CLVS1: variants seen among roughly 807,000 people sequenced by gnomAD.
CLVS1 encodes the protein clavesin-1.
Under a neutral mutation model 33.1 loss-of-function variants are expected in CLVS1, and 10 were observed. That is an observed-to-expected ratio of 0.30 (90% CI 0.19 to 0.51). The LOEUF is 0.51. Ranked by LOEUF, CLVS1 falls within the 20% of genes least tolerant of loss-of-function variation. The pLI is 0.97. For missense variants in CLVS1, 343 were observed against 433.4 expected, an observed-to-expected ratio of 0.79 and a Z score of 1.85; for synonymous variants, 163 against 166.1, an observed-to-expected ratio of 0.98 and a Z score of 0.14.
intron 3 of CLVS1, among the ~76,000 whole-genome samples, chr8:61,411,157 G>A (rs930271715): frequency 1.3e-5 from 2 of 152,112 alleles, no homozygotes; most frequent in Non-Finnish European, 2.9e-5. Flanking sequence ...ATTCACTATA[G>A]AAATATATGC....
rs1230004095 is a variant in CLVS1 at position 61,314,717 on chromosome 8, A to G, written c.455+14435A>G. Among the ~76,000 whole-genome samples the G allele has an allele frequency of 2.6e-5, 4 of 152,202 alleles. No individual in the cohort carries two copies. The South Asian group carries it at 6.2e-4, about 24-fold the overall frequency. On this transcript the variant is annotated intron_variant, in intron 2 of 5. Coordinates refer to ENST00000325897, the MANE Select transcript of CLVS1 (RefSeq NM_173519.3). ...ATTATGAAGAGCTCTGTTCCCAGCT[A>G]CATGACCCATACTGCCATGTTTTAT...
chr8:61,479,800 C>T (rs549776640), intron 5 of CLVS1, among the ~76,000 whole-genome samples: 3 of 152,288 alleles, frequency 2.0e-5, no homozygotes, highest in East Asian at 1.9e-4. Context: ...TTCCTTCTAA[C>T]AGTCAGGACC....
At chr8:61,236,168 G>A (rs10111158) in intron 2 of CLVS1, among the ~76,000 whole-genome samples, 32,942 of 151,970 alleles carry the variant, frequency 0.22, 6,192 homozygotes, top group East Asian at 0.69. Flanking sequence ...CTAAAATGAG[G>A]CAAGACACTG....
chr8:61,308,144 A>G (rs749887143), intron 2 of CLVS1, among the ~76,000 whole-genome samples: 1 of 152,232 alleles, frequency 6.6e-6, no homozygotes, highest in Non-Finnish European at 1.5e-5. Flanking sequence ...CTTCAGCTGC[A>G]TAGTCTTTAT....
At chr8:61,418,235 G>A (rs1401850332) in intron 3 of CLVS1, among the ~76,000 whole-genome samples, 1 of 152,040 alleles carries the variant, frequency 6.6e-6, no homozygotes, top group Non-Finnish European at 1.5e-5. Flanking sequence ...CAGGCATGTT[G>A]GTGTGCAACT....
At chr8:61,449,824 T>C (rs1160486920) in intron 3 of CLVS1, among the ~76,000 whole-genome samples, 1 of 152,218 alleles carries the variant, frequency 6.6e-6, no homozygotes, top group Non-Finnish European at 1.5e-5. Flanking sequence ...ATTTGTCTTC[T>C]TCTCTCCACC....
chr8:61,416,575 C>T (rs1815447057), intron 3 of CLVS1, among the ~76,000 whole-genome samples: 1 of 152,168 alleles, frequency 6.6e-6, no homozygotes, highest in Non-Finnish European at 1.5e-5. Context: ...GAGAAACACC[C>T]AAGAAGTGCT....
At chr8:61,404,289 C>T (rs1814892374) in intron 3 of CLVS1, among the ~76,000 whole-genome samples, 2 of 152,318 alleles carry the variant, frequency 1.3e-5, no homozygotes, top group Admixed American at 1.3e-4. Flanking sequence ...ACTTTTCTCT[C>T]AGCCTCCTGG....
intron 2 of CLVS1, among the ~76,000 whole-genome samples, chr8:61,270,955 C>CA (rs1291297051): frequency 5.3e-5 from 8 of 151,350 alleles, no homozygotes; most frequent in African/African-American, 1.9e-4. Context: ...TTGATCCTGT[C>CA]AAAAAACCAG....
intron 3 of CLVS1, among the ~76,000 whole-genome samples, chr8:61,430,722 A>G (rs1045153278): frequency 1.3e-5 from 2 of 152,138 alleles, no homozygotes; most frequent in Non-Finnish European, 1.5e-5. Context: ...GTGTGTGCCA[A>G]TGTGTTATGC....
upstream of CLVS1, among the ~76,000 whole-genome samples, chr8:61,286,214 G>A (rs909212920): frequency 1.3e-5 from 2 of 152,146 alleles, no homozygotes; most frequent in African/African-American, 4.8e-5. Flanking sequence ...TGGGGACTAA[G>A]TAAGGAATTG....
chr8:61,081,550 T>C (rs1176102737), intron 1 of CLVS1, among the ~76,000 whole-genome samples: 1 of 152,128 alleles, frequency 6.6e-6, no homozygotes, highest in Non-Finnish European at 1.5e-5. Flanking sequence ...CTGGAGTTAG[T>C]GAGAAGAGCC....
At chr8:61,276,704 GA>G (rs1377379661) in intron 2 of CLVS1, among the ~76,000 whole-genome samples, 4 of 152,062 alleles carry the variant, frequency 2.6e-5, no homozygotes, top group East Asian at 1.9e-4. Flanking sequence ...ATTACTGAAA[GA>G]AAAAAATGAA....
chr8:61,317,974 C>T (rs1811068424), intron 2 of CLVS1, among the ~76,000 whole-genome samples: 1 of 152,108 alleles, frequency 6.6e-6, no homozygotes, highest in African/African-American at 2.4e-5. Flanking sequence ...GCCTTGCACC[C>T]GACTCCCCTT....
chr8:61,394,367 T>C (rs1184767886), intron 3 of CLVS1, among the ~76,000 whole-genome samples: 1 of 152,124 alleles, frequency 6.6e-6, no homozygotes, highest in Non-Finnish European at 1.5e-5. Flanking sequence ...TTCAGGTTCC[T>C]TAGGTGATGG....
At chr8:61,223,874 A>G (rs1808274003) in intron 2 of CLVS1, among the ~76,000 whole-genome samples, 1 of 151,936 alleles carries the variant, frequency 6.6e-6, no homozygotes, top group South Asian at 2.1e-4. Context: ...ATTCCTTTAG[A>G]TTCTTTTTTC....
chr8:61,206,615 G>A (rs1293773958), intron 2 of CLVS1, among the ~76,000 whole-genome samples: 2 of 141,696 alleles, frequency 1.4e-5, no homozygotes, highest in African/African-American at 5.3e-5. Context: ...TTGAGATGGA[G>A]TCTCGCTCTG....
At chr8:61,305,282 G>A (rs1174858085) in intron 2 of CLVS1, among the ~76,000 whole-genome samples, 4 of 151,850 alleles carry the variant, frequency 2.6e-5, no homozygotes, top group Non-Finnish European at 5.9e-5. Flanking sequence ...GTACAGTTCA[G>A]TGGCAGTACC....
At chr8:61,211,075 A>G (rs1011241675) in intron 2 of CLVS1, among the ~76,000 whole-genome samples, 1 of 152,180 alleles carries the variant, frequency 6.6e-6, no homozygotes, top group Non-Finnish European at 1.5e-5. Context: ...AACCATGTAC[A>G]ATGCAGTGAA....
Sources: allele counts gnomAD v4.1 joint callset (sites outside exome capture counted in the v4.1 genomes callset), GRCh38; gene constraint gnomAD v4.1.1; transcripts MANE v1.5; gene names NCBI Gene and HGNC (gene_info 2026-07-23, HGNC 2026-07-21).